The following NISCH variants were observed in gnomAD, a reference collection of about 807,000 sequenced individuals.
NISCH encodes nischarin, also known as I-1 receptor candidate protein.
Under a neutral mutation model 138.4 loss-of-function variants are expected in NISCH, and 55 were observed. The ratio of observed to expected loss-of-function variants is 0.40; its 90% CI spans 0.32 to 0.50. The LOEUF is 0.50. NISCH is among the 20% of genes least tolerant of loss of function. The pLI is 0.71. For missense variants in NISCH, 1,643 were observed against 2,005.5 expected, an observed-to-expected ratio of 0.82 and a Z score of 3.45; for synonymous variants, 860 against 861.5, an observed-to-expected ratio of 1.00 and a Z score of 0.03.
Position 52,478,078 on chromosome 3 carries a change from G to A in NISCH, c.988-19G>A, listed in dbSNP as rs1237661752. On this transcript the variant is annotated intron_variant, in intron 9 of 20. Coordinates refer to ENST00000345716, the MANE Select transcript of NISCH (RefSeq NM_007184.4). ...GACTTGACCTGAGCCACTTTACGCTGTTCTCCACGCCGCTGCAGCACCTGT... is the reference window on the plus strand; with the variant it reads ...GACTTGACCTGAGCCACTTTACGCTATTCTCCACGCCGCTGCAGCACCTGT... The A allele has an allele frequency of 2.5e-6, 4 of 1,612,516 alleles. No individual in the cohort carries two copies. Among genetic ancestry groups the A allele is most frequent in the East Asian group, 4.5e-5 (2 of 44,870 alleles).
intron 13 of NISCH, among the ~76,000 whole-genome samples, chr3:52,482,692 C>T (rs1403728043): frequency 6.6e-6 from 1 of 152,168 alleles, no homozygotes; most frequent in Non-Finnish European, 1.5e-5. Flanking sequence ...GAGATGGAGT[C>T]GTGGAAAACC....
Position 52,492,815 on chromosome 3 carries a change from A to G in NISCH, c.*333A>G, listed in dbSNP as rs929957869. ...CTACACGTCCTTTCCTGAAGTGTCG[A>G]GTCCAGTCCTTTGTTGCTGTTGCTG... On this transcript the variant is annotated 3_prime_UTR_variant, in exon 21 of 21. Coordinates refer to ENST00000345716, the MANE Select transcript of NISCH (RefSeq NM_007184.4). 1 of 340,590 alleles carries G rather than the reference A, an allele frequency of 2.9e-6. No individual in the cohort carries two copies. The highest frequency in any genetic ancestry group is 5.3e-6 in the Non-Finnish European group (1 of 189,910). The allele number at this position is 340,590 out of a possible 1,614,324, so 21.1% of individuals were successfully genotyped here. A position where few individuals can be genotyped will look rare whatever the true frequency, so the allele number is the denominator to read the frequency against.
intron 3 of NISCH, among the ~76,000 whole-genome samples, chr3:52,460,736 T>C (rs1190806253): frequency 6.6e-6 from 1 of 152,142 alleles, no homozygotes; most frequent in East Asian, 1.9e-4. Flanking sequence ...AACAAGTTGA[T>C]ATGGACATAT....
intron 3 of NISCH, among the ~76,000 whole-genome samples, chr3:52,466,436 C>A (rs6782162): frequency 4.6e-5 from 7 of 151,862 alleles, no homozygotes; most frequent in African/African-American, 9.7e-5. Context: ...ATGGTGGCAC[C>A]CACCTGTAAT....
intron 5 of NISCH, 58 bp downstream of exon 5, chr3:52,472,035 C>G: frequency 6.6e-7 from 1 of 1,505,930 alleles, no homozygotes; most frequent in Non-Finnish European, 9.0e-7. Flanking sequence ...GTGCAACCTG[C>G]GGGGGACTGG....
At chr3:52,469,158 T>C (rs1011564875) in intron 3 of NISCH, among the ~76,000 whole-genome samples, 3 of 152,220 alleles carry the variant, frequency 2.0e-5, no homozygotes, top group African/African-American at 7.2e-5. Context: ...GTGGAAGCGA[T>C]GTTCCCAATG....
intron 1 of NISCH, among the ~76,000 whole-genome samples, chr3:52,456,204 C>A (rs1307099682): frequency 6.6e-6 from 1 of 151,934 alleles, no homozygotes; most frequent in Non-Finnish European, 1.5e-5. Context: ...GGACCCTGAT[C>A]TGGGGAGCCT....
chr3:52,462,532 G>A (rs928693423), intron 3 of NISCH, among the ~76,000 whole-genome samples: 2 of 152,316 alleles, frequency 1.3e-5, no homozygotes, highest in Middle Eastern at 3.4e-3. Flanking sequence ...CTTTTATACT[G>A]TCTGTATCCT....
chr3:52,491,458 C>G lies in NISCH; in HGVS notation c.3849C>G (p.Pro1283=). 6.2e-7 allele frequency: 1 copy of G among 1,613,468 alleles called. No individual in the cohort carries two copies. The highest frequency in any genetic ancestry group is 8.5e-7 in the Non-Finnish European group (1 of 1,179,974). Residue 1283 remains proline, a synonymous_variant, in exon 20 of 21, where the codon CCC becomes CCG. Transcript: ENST00000345716. ...TGCTGTCCTCTCTGGAACGCACGCC[C>G]TCGCCGGAGCCTGTTGACAAGGACT... ...MVVLSSLERT[P]SPEPVDKDFY...
chr3:52,480,522 C>A lies in NISCH; in HGVS notation c.1528+227C>A, dbSNP rs979709905. ...GTGAGGACTCCCAATTGCTCTGATGCCCACATCCAGCTCCTCTAGGAGACC... is the reference window on the plus strand; with the variant it reads ...GTGAGGACTCCCAATTGCTCTGATGACCACATCCAGCTCCTCTAGGAGACC... On this transcript the variant is annotated intron_variant, in intron 13 of 20. Coordinates refer to ENST00000345716, the MANE Select transcript of NISCH (RefSeq NM_007184.4). 27 of 1,505,422 alleles carry A rather than the reference C, an allele frequency of 1.8e-5. No individual in the cohort carries two copies. The African/African-American group carries it at 3.8e-4, about 21-fold the overall frequency. 93.3% of individuals were successfully genotyped at this position (1,505,422 alleles called of 1,614,324 possible).
intron 13 of NISCH, 88 bp downstream of exon 13, chr3:52,480,383 G>A (rs1298608185): frequency 6.4e-7 from 1 of 1,572,874 alleles, no homozygotes; most frequent in African/African-American, 1.4e-5. Context: ...AGAGGTGCCA[G>A]CACCTGCTTC....
chr3:52,480,391 T>G (rs1409006064), intron 13 of NISCH, 96 bp downstream of exon 13: 2 of 1,564,730 alleles, frequency 1.3e-6, no homozygotes, highest in African/African-American at 1.4e-5. Context: ...CAGCACCTGC[T>G]TCCAACAGGG....
At position 52,491,442 on chromosome 3, in the gene NISCH, C is replaced by G. The variant is rs1183229488; in HGVS notation, c.3833C>G (p.Ser1278Cys). The G allele has an allele frequency of 6.2e-7, 1 of 1,613,484 alleles. No individual in the cohort carries two copies. Among genetic ancestry groups the G allele is most frequent in the Admixed American group, 1.7e-5 (1 of 60,010 alleles). The change falls in exon 20 of 21, where the codon TCT becomes TGT. Residue 1278 changes from serine to cysteine, a missense_variant. Transcript: ENST00000345716. The part of the protein sequence containing the change: ...FLQHLMVVLS[S>C]LERTPSPEPV... ...CAGCACCTCATGGTCGTGCTGTCCT[C>G]TCTGGAACGCACGCCCTCGCCGGAG... is the stretch of plus-strand genomic sequence containing the variant.
At chr3:52,490,896 A>G (rs1578315606) in intron 19 of NISCH, 63 bp downstream of exon 19, 5 of 1,597,332 alleles carry the variant, frequency 3.1e-6, no homozygotes, top group Non-Finnish European at 4.3e-6. Flanking sequence ...GTGGGCTTCC[A>G]CCTTCCGTAC....
At chr3:52,459,825 G>A (rs1276487426) in intron 3 of NISCH, among the ~76,000 whole-genome samples, 1 of 151,926 alleles carries the variant, frequency 6.6e-6, no homozygotes, top group Middle Eastern at 3.2e-3. Flanking sequence ...AACAAAGGTA[G>A]TCATTCCAGG....
rs2153232009 is a variant in NISCH at position 52,492,702 on chromosome 3, A to G, written c.*220A>G. ...GCTGTCGGTGTGCTGTCAGCCTCCC[A>G]CAGGTGGTACAGCCGTGCACACCAG... On this transcript the variant is annotated 3_prime_UTR_variant, in exon 21 of 21. Coordinates refer to ENST00000345716, the MANE Select transcript of NISCH (RefSeq NM_007184.4). 1 of 612,502 alleles carries G rather than the reference A, an allele frequency of 1.6e-6. No homozygotes were observed. The highest frequency in any genetic ancestry group is 2.8e-6 in the Non-Finnish European group (1 of 357,336). 37.9% of individuals were successfully genotyped at this position (612,502 alleles called of 1,614,324 possible).
At chr3:52,490,630 C>T (rs927828685) in intron 18 of NISCH, 75 bp from the exon 19 acceptor site, 5 of 1,598,516 alleles carry the variant, frequency 3.1e-6, no homozygotes, top group African/African-American at 1.3e-5. Flanking sequence ...CCTGTTCCTG[C>T]TGGATGTGCT....
At chr3:52,470,635 T>C (rs1337631372) in intron 3 of NISCH, 1 of 592,128 alleles carries the variant, frequency 1.7e-6, no homozygotes. Context: ...TAGGCTGATT[T>C]CCCTTCTGCT....
In NISCH at chr3:52,457,876, G is replaced by C; in HGVS notation, c.127G>C (p.Glu43Gln). The stretch of plus-strand genomic sequence containing the variant: ...CATCCAGGTCACTGATGGCAGCCAT[G>C]AGTGGACAGTAAAGCACCGCTACAG... ...YIIQVTDGSHEWTVKHRYSDF... is the reference protein window; with the variant it reads ...YIIQVTDGSHQWTVKHRYSDF... Residue 43 changes from glutamate (E) to glutamine (Q), a missense_variant, in exon 2 of 21, where the codon GAG (glutamate) becomes CAG (glutamine). Transcript: ENST00000345716. 1.2e-6 allele frequency: 2 copies of C among 1,612,492 alleles called. No individual in the cohort carries two copies. Among genetic ancestry groups the C allele is most frequent in the Non-Finnish European group, 1.7e-6 (2 of 1,178,596 alleles).
Sources: allele counts gnomAD v4.1 joint callset (sites outside exome capture counted in the v4.1 genomes callset), GRCh38; gene constraint gnomAD v4.1.1; transcripts MANE v1.5; gene names NCBI Gene and HGNC (gene_info 2026-07-23, HGNC 2026-07-21).